The following POU2F1 variants were observed in gnomAD, a reference collection of about 807,000 sequenced individuals.
POU2F1 encodes POU class 2 homeobox 1, also known as POU domain, class 2, transcription factor 1.
A neutral mutation model predicts 84.9 loss-of-function variants in POU2F1; 16 were observed. The observed-to-expected ratio is 0.19, with a 90% CI of 0.13 to 0.29. The LOEUF (loss-of-function observed/expected upper bound fraction) is 0.29, where lower values mean the gene tolerates loss of function less well. Among genes scored for constraint, POU2F1 ranks in the 10% least tolerant of loss-of-function variants. POU2F1 has a pLI of 1.00. For synonymous variants in POU2F1, 368 were observed against 368.3 expected (o/e 1.00, Z 0.01); for missense variants, 738 against 942.6 (o/e 0.78, Z 2.84).
intron 1 of POU2F1, among the ~76,000 whole-genome samples, chr1:167,305,811 A>G (rs1214524609): frequency 6.6e-6 from 1 of 152,192 alleles, no homozygotes; most frequent in African/African-American, 2.4e-5. Context: ...GAAAGATTAC[A>G]AAGTTGATTA....
intron 1 of POU2F1, among the ~76,000 whole-genome samples, chr1:167,243,663 A>G (rs561777620): frequency 6.6e-6 from 1 of 151,872 alleles, no homozygotes; most frequent in Non-Finnish European, 1.5e-5. Context: ...TTTATTAGAG[A>G]TGGGGTTTTG....
At chr1:167,359,935 T>G (rs551469055) in intron 2 of POU2F1, among the ~76,000 whole-genome samples, 54 of 152,076 alleles carry the variant, frequency 3.6e-4, no homozygotes, top group African/African-American at 1.3e-3. Flanking sequence ...TTCTGATGAT[T>G]AGTGATGTTG....
chr1:167,333,832 C>G (rs963645799), intron 2 of POU2F1, among the ~76,000 whole-genome samples: 5 of 152,148 alleles, frequency 3.3e-5, no homozygotes, highest in South Asian at 2.1e-4. Flanking sequence ...ATCTTTCTTT[C>G]TTGTTCAGCA....
chr1:167,238,951 A>G (rs1404536127), intron 1 of POU2F1, among the ~76,000 whole-genome samples: 1 of 152,152 alleles, frequency 6.6e-6, no homozygotes, highest in Non-Finnish European at 1.5e-5. Flanking sequence ...CACATCCTGA[A>G]AAGTTTTGTT....
At chr1:167,293,080 C>A (rs1329723006) in intron 1 of POU2F1, among the ~76,000 whole-genome samples, 2 of 152,056 alleles carry the variant, frequency 1.3e-5, no homozygotes. Context: ...GAAAACATTC[C>A]CCCTGAGAAC....
intron 1 of POU2F1, among the ~76,000 whole-genome samples, chr1:167,274,065 T>A (rs913093842): frequency 2.6e-5 from 4 of 152,248 alleles, no homozygotes; most frequent in African/African-American, 9.6e-5. Context: ...AAATACGATT[T>A]TCCCCAACTA....
Position 167,397,990 on chromosome 1 carries a change from A to C in POU2F1, c.1130-4A>C. On this transcript the variant is annotated splice_polypyrimidine_tract_variant and splice_region_variant and intron_variant, in intron 10 of 15. Transcript: ENST00000367866. ...TTATTTCTGTATTTTCTTCATTCTT[A>C]CAGAGAACCTCTCATCTGATTCGTC... The C allele has an allele frequency of 6.2e-7, 1 of 1,608,766 alleles. No homozygotes were observed. The highest frequency in any genetic ancestry group is 8.5e-7 in the Non-Finnish European group (1 of 1,177,864).
At chr1:167,400,836 CAT>C (rs1189548355) in intron 12 of POU2F1, among the ~76,000 whole-genome samples, 1 of 152,150 alleles carries the variant, frequency 6.6e-6, no homozygotes, top group African/African-American at 2.4e-5. Flanking sequence ...ATTAAAAGCA[CAT>C]GTTAGTTTAT....
chr1:167,273,654 A>G (rs973647786), intron 1 of POU2F1, among the ~76,000 whole-genome samples: 17 of 152,246 alleles, frequency 1.1e-4, no homozygotes, highest in African/African-American at 3.1e-4. Flanking sequence ...GCCTCAGGCC[A>G]GTACCTTTTA....
intron 8 of POU2F1, chr1:167,387,332 A>G (rs113543358): frequency 0.012 from 4,876 of 420,090 alleles, 181 homozygotes; most frequent in African/African-American, 0.084. Context: ...GATAGTTAAG[A>G]CTCACCTGTA....
intron 1 of POU2F1, among the ~76,000 whole-genome samples, chr1:167,299,513 TAGTGG>T (rs1279484707): frequency 1.3e-5 from 2 of 152,156 alleles, no homozygotes; most frequent in African/African-American, 4.8e-5. Context: ...TTATGAATGG[TAGTGG>T]ATTGAATGTT....
chr1:167,230,785 G>A (rs1025895469), intron 1 of POU2F1, among the ~76,000 whole-genome samples: 7 of 152,170 alleles, frequency 4.6e-5, no homozygotes, highest in Admixed American at 4.6e-4. Context: ...CTTGAGTGCA[G>A]GAACATACTG....
intron 8 of POU2F1, among the ~76,000 whole-genome samples, chr1:167,386,987 A>G (rs951453268): frequency 6.6e-6 from 1 of 152,216 alleles, no homozygotes; most frequent in African/African-American, 2.4e-5. Flanking sequence ...GTATGACTGT[A>G]GTTGCTGAAA....
chr1:167,335,774 C>A (rs974191962), intron 2 of POU2F1, among the ~76,000 whole-genome samples: 34 of 152,154 alleles, frequency 2.2e-4, no homozygotes, highest in African/African-American at 8.2e-4. Flanking sequence ...TTTTAAAATA[C>A]TCTTACAAGG....
intron 1 of POU2F1, among the ~76,000 whole-genome samples, chr1:167,263,213 A>G (rs1571190275): frequency 6.6e-6 from 1 of 152,322 alleles, no homozygotes; most frequent in East Asian, 1.9e-4. Flanking sequence ...GTTTTTGTAT[A>G]TCCAGCTATT....
chr1:167,261,658 T>C (rs773799447), intron 1 of POU2F1, among the ~76,000 whole-genome samples: 1 of 152,186 alleles, frequency 6.6e-6, no homozygotes, highest in Non-Finnish European at 1.5e-5. Flanking sequence ...CTTTGGAAAT[T>C]CATATTCAAT....
chr1:167,387,281 A>G (rs1174157983), intron 8 of POU2F1: 3 of 454,210 alleles, frequency 6.6e-6, no homozygotes, highest in Non-Finnish European at 1.3e-5. Flanking sequence ...TTATTATTTG[A>G]GAATGGGGCT....
Position 167,415,370 on chromosome 1 carries a change from T to A in POU2F1, c.1991-130T>A, listed in dbSNP as rs1000018039. On this transcript the variant is annotated intron_variant, in intron 15 of 15. Transcript: ENST00000367866. Reference sequence around the variant, plus strand: ...ATAGCACTGTGTTTGAGGAAAAAAATTCAGTGAAGGGCTATACTTTTTCCT... The same window carrying A: ...ATAGCACTGTGTTTGAGGAAAAAAAATCAGTGAAGGGCTATACTTTTTCCT... 19 of 994,338 alleles carry A rather than the reference T, an allele frequency of 1.9e-5. No individual in the cohort carries two copies. In the Admixed American group the frequency reaches 2.7e-4, roughly 14 times the overall value. 61.6% of individuals were successfully genotyped at this position (994,338 alleles called of 1,614,324 possible).
Position 167,421,392 on chromosome 1 carries a change from AG to A in POU2F1, c.*5583del, listed in dbSNP as rs1309422538. 6.6e-6 allele frequency: 1 copy of A among 152,250 alleles called. No homozygotes were observed. Among genetic ancestry groups the A allele is most frequent in the African/African-American group, 2.4e-5 (1 of 41,478 alleles). 9.4% of individuals were successfully genotyped at this position (152,250 alleles called of 1,614,324 possible). A position where few individuals can be genotyped will look rare whatever the true frequency, so the allele number is the denominator to read the frequency against. On this transcript the variant is annotated 3_prime_UTR_variant, in exon 16 of 16. Coordinates refer to ENST00000367866, the MANE Select transcript of POU2F1 (RefSeq NM_002697.4). ...TAAATAGGACACCCCTGAGATTTCC[AG>A]TAAGGTATTTGAAAGGATTCCACTG...
Sources: allele counts gnomAD v4.1 joint callset (sites outside exome capture counted in the v4.1 genomes callset), GRCh38; gene constraint gnomAD v4.1.1; transcripts MANE v1.5; gene names NCBI Gene and HGNC (gene_info 2026-07-23, HGNC 2026-07-21).